PCLO: variants seen among roughly 807,000 people sequenced by gnomAD.
The protein encoded by PCLO is protein piccolo.
In PCLO, 82 loss-of-function variants were observed where a neutral mutation model predicts 427.5. That is an observed-to-expected ratio of 0.19 (90% CI 0.16 to 0.23). PCLO has a LOEUF of 0.23. Ranked by LOEUF, PCLO falls within the 10% of genes least tolerant of loss-of-function variation. The probability of loss-of-function intolerance (pLI) is 1.00; values close to 1 mark genes in which losing one functional copy is unlikely to be tolerated. For synonymous variants in PCLO, 2,357 were observed against 2,155.4 expected (o/e 1.09, Z -2.59); for missense variants, 6,239 against 6,115.9 (o/e 1.02, Z -0.67).
Position 82,930,084 on chromosome 7 carries a change from G to A in PCLO, c.11113-13211C>T, listed in dbSNP as rs570947178. On this transcript the variant is annotated intron_variant, in intron 6 of 24. Transcript: ENST00000333891. ...CTGTCTGGATCTTAGAGAATGCAGA[G>A]GAAGGAGTGTGAATCTCAGATTGAG... Among the ~76,000 whole-genome samples the A allele has an allele frequency of 2.0e-5, 3 of 152,174 alleles. No homozygotes were observed. The South Asian group carries it at 6.2e-4, about 31-fold the overall frequency.
chr7:82,960,779 A>G (rs1795639540), intron 4 of PCLO, among the ~76,000 whole-genome samples: 1 of 152,200 alleles, frequency 6.6e-6, no homozygotes, highest in African/African-American at 2.4e-5. Context: ...AACGACACAA[A>G]TGACAGCTAG....
In PCLO at chr7:83,157,735, T is replaced by C. The variant is rs537185382; in HGVS notation, c.249-1343A>G. On this transcript the variant is annotated intron_variant, in intron 1 of 24. Transcript: ENST00000333891. Reference sequence around the variant, plus strand: ...AAAAGAATATTCTGAATTAGAATTATGGAGAAAATCATATTATAAGTATTT... The same window carrying C: ...AAAAGAATATTCTGAATTAGAATTACGGAGAAAATCATATTATAAGTATTT... 9.2e-5 allele frequency among the ~76,000 whole-genome samples: 14 copies of C among 152,042 alleles called. 1 individual carries two copies. The highest frequency in any genetic ancestry group is 7.2e-4 in the Admixed American group (11 of 15,280).
rs1430283594 is a variant in PCLO, at chr7:82,879,323, T to C, written c.13654+14A>G. ...GCATTCATTTTATTTTACTGTAAAATTCCTTATTCTTACCTTCCATAAGCT... is the reference window on the plus strand; with the variant it reads ...GCATTCATTTTATTTTACTGTAAAACTCCTTATTCTTACCTTCCATAAGCT... On this transcript the variant is annotated intron_variant, in intron 10 of 24. Coordinates refer to ENST00000333891, the MANE Select transcript of PCLO (RefSeq NM_033026.6). 6.3e-7 allele frequency: 1 copy of C among 1,594,390 alleles called. No individual in the cohort carries two copies. The highest frequency in any genetic ancestry group is 1.8e-5 in the Admixed American group (1 of 55,310).
intron 3 of PCLO, among the ~76,000 whole-genome samples, chr7:82,994,958 T>C (rs897800984): frequency 2.0e-5 from 3 of 152,102 alleles, no homozygotes; most frequent in Non-Finnish European, 2.9e-5. Context: ...TGGATTACTG[T>C]GTTATTTACT....
At chr7:82,925,796 C>G (rs1051158500) in intron 6 of PCLO, among the ~76,000 whole-genome samples, 9 of 137,016 alleles carry the variant, frequency 6.6e-5, no homozygotes, top group African/African-American at 2.4e-4. Flanking sequence ...CATGGCTCAT[C>G]ACGCCTTGAC....
intron 10 of PCLO, among the ~76,000 whole-genome samples, chr7:82,852,987 C>G (rs1177704089): frequency 6.6e-6 from 1 of 152,038 alleles, no homozygotes; most frequent in African/African-American, 2.4e-5. Flanking sequence ...TTTTCTATGA[C>G]TGGCTTATTT....
chr7:82,838,158 T>C, intron 15 of PCLO, 60 bp downstream of exon 15: 2 of 1,200,698 alleles, frequency 1.7e-6, no homozygotes, highest in African/African-American at 3.1e-5. Flanking sequence ...AATTAAAGAG[T>C]AGAAAATACT....
chr7:83,053,216 T>C (rs1789296100), intron 3 of PCLO, among the ~76,000 whole-genome samples: 2 of 151,964 alleles, frequency 1.3e-5, no homozygotes, highest in Admixed American at 1.3e-4. Context: ...TAGACAATTC[T>C]TACTTATATT....
chr7:82,964,607 AAG>A (rs1422495070), intron 4 of PCLO, among the ~76,000 whole-genome samples: 1 of 152,154 alleles, frequency 6.6e-6, no homozygotes, highest in Non-Finnish European at 1.5e-5. Context: ...GAAAGACAAA[AAG>A]AGAAGGAAAG....
chr7:82,785,518 C>T (rs533494953), intron 22 of PCLO, among the ~76,000 whole-genome samples: 15 of 152,220 alleles, frequency 9.9e-5, no homozygotes, highest in African/African-American at 3.6e-4. Flanking sequence ...TTCTATAGCC[C>T]ACTATCTTCC....
chr7:83,109,004 T>G (rs1286632449), intron 3 of PCLO, among the ~76,000 whole-genome samples: 3 of 117,772 alleles, frequency 2.5e-5, no homozygotes, highest in Non-Finnish European at 5.2e-5. Flanking sequence ...ACCTAATACT[T>G]GGAAAGTTTG....
chr7:83,096,837 TATATA>T (rs1790561126), intron 3 of PCLO, among the ~76,000 whole-genome samples: 1 of 96,378 alleles, frequency 1.0e-5, no homozygotes, highest in African/African-American at 4.5e-5. Context: ...AAAAATATAT[TATATA>T]ATATAAATAT....
chr7:82,934,552 G>C (rs1319216681), intron 6 of PCLO, among the ~76,000 whole-genome samples: 1 of 151,660 alleles, frequency 6.6e-6, no homozygotes, highest in Non-Finnish European at 1.5e-5. Context: ...ATGACTGCTT[G>C]ACAAGTATGT....
intron 9 of PCLO, among the ~76,000 whole-genome samples, chr7:82,879,682 T>A (rs1178238867): frequency 6.6e-6 from 1 of 152,182 alleles, no homozygotes; most frequent in Non-Finnish European, 1.5e-5. Context: ...TGACCTGATA[T>A]TAACAAGTAA....
At chr7:82,760,826 T>C (rs1415903636) in intron 23 of PCLO, 42 bp from the exon 24 acceptor site, 2 of 1,095,078 alleles carry the variant, frequency 1.8e-6, no homozygotes, top group Non-Finnish European at 2.6e-6. Context: ...ATCAATCATA[T>C]AAATTTCTAT....
At chr7:82,861,795 A>G (rs12707529) in intron 10 of PCLO, among the ~76,000 whole-genome samples, 39,051 of 151,936 alleles carry the variant, frequency 0.26, 5,348 homozygotes, top group Middle Eastern at 0.31. Flanking sequence ...TACTACAATG[A>G]AATAAATCTA....
chr7:82,877,405 C>A (rs1020694411), intron 10 of PCLO, among the ~76,000 whole-genome samples: 1 of 152,052 alleles, frequency 6.6e-6, no homozygotes, highest in Admixed American at 6.6e-5. Flanking sequence ...CATTTTTCTT[C>A]TAGGGTATAC....
chr7:83,012,621 G>GAAAAAA (rs537818971), intron 3 of PCLO, among the ~76,000 whole-genome samples: 2 of 66,734 alleles, frequency 3.0e-5, no homozygotes, highest in African/African-American at 5.8e-5. Context: ...CTGTCTCAAG[G>GAAAAAA]AAAAAAAAAA....
intron 3 of PCLO, among the ~76,000 whole-genome samples, chr7:83,064,852 T>C (rs1452903192): frequency 6.6e-6 from 1 of 151,998 alleles, no homozygotes; most frequent in Non-Finnish European, 1.5e-5. Context: ...GAATAATAAC[T>C]ATAATTTCTA....
Sources: gnomAD v4.1 joint callset for allele counts (sites outside exome capture counted in the v4.1 genomes callset) on GRCh38, gnomAD v4.1.1 for gene constraint, MANE v1.5 for transcripts, NCBI Gene and HGNC (gene_info 2026-07-23, HGNC 2026-07-21) for gene names.